AHI1: variants seen among roughly 807,000 people sequenced by gnomAD.
AHI1 encodes the protein jouberin.
AHI1 carries 123 observed loss-of-function variants against 149.3 expected under a neutral mutation model. The observed-to-expected ratio is 0.82, with a 90% CI of 0.71 to 0.96. The LOEUF (loss-of-function observed/expected upper bound fraction) is 0.96, where lower values mean the gene tolerates loss of function less well. Among genes scored for constraint, AHI1 ranks in the 40% least tolerant of loss-of-function variants. The probability of loss-of-function intolerance (pLI) is 0.00; values close to 1 mark genes in which losing one functional copy is unlikely to be tolerated. For synonymous variants in AHI1, 475 were observed against 459.8 expected (o/e 1.03, Z -0.42); for missense variants, 1,439 against 1,422.7 (o/e 1.01, Z -0.18).
At chr6:135,495,262 A>C (rs1047758884) in intron 3 of AHI1, 1 of 152,186 alleles carries the variant, frequency 6.6e-6, no homozygotes, top group Non-Finnish European at 1.5e-5. Context: ...CTTCGCTTAA[A>C]ATTCTTCACT....
At chr6:135,459,422 T>C (rs114780944) in intron 8 of AHI1, among the ~76,000 whole-genome samples, 1,828 of 152,174 alleles carry the variant, frequency 0.012, 43 homozygotes, top group African/African-American at 0.042. Flanking sequence ...ATCTTTCTTA[T>C]AAAACCCAAT....
At chr6:135,322,470 C>A (rs1787010060) in intron 25 of AHI1, among the ~76,000 whole-genome samples, 1 of 118,472 alleles carries the variant, frequency 8.4e-6, no homozygotes, top group South Asian at 2.8e-4. Flanking sequence ...GATTTTCTTC[C>A]CTAGCTCTTT....
At position 135,294,542 on chromosome 6, in the gene AHI1, A is replaced by C. The variant is rs571022996; in HGVS notation, c.3486-4017T>G. The stretch of plus-strand genomic sequence containing the variant: ...CAAACAAACAAACAACCCTCCCCCC[A>C]AAAAAAACCAAAAGAGAAATAGAAA... On this transcript the variant is annotated intron_variant, in intron 27 of 28. Coordinates refer to ENST00000265602, the MANE Select transcript of AHI1 (RefSeq NM_001134831.2). Among the ~76,000 whole-genome samples the C allele has an allele frequency of 1.9e-3, 281 of 151,394 alleles. 1 individual carries two copies. The highest frequency in any genetic ancestry group is 5.1e-3 in the African/African-American group (212 of 41,322).
intron 26 of AHI1, among the ~76,000 whole-genome samples, chr6:135,315,435 T>A (rs1402875630): frequency 6.6e-6 from 1 of 152,194 alleles, no homozygotes; most frequent in Non-Finnish European, 1.5e-5. Flanking sequence ...TTTCTAACTC[T>A]GCCAATCTTC....
intron 20 of AHI1, among the ~76,000 whole-genome samples, chr6:135,413,598 A>AT (rs1583109048): frequency 1.3e-5 from 2 of 152,274 alleles, no homozygotes; most frequent in African/African-American, 4.8e-5. Flanking sequence ...TCCTGGCTCC[A>AT]TATCTGTGTA....
At chr6:135,414,404 CA>C (rs1782044103) in intron 20 of AHI1, among the ~76,000 whole-genome samples, 1 of 152,138 alleles carries the variant, frequency 6.6e-6, no homozygotes, top group South Asian at 2.1e-4. Flanking sequence ...TTCTTAGACA[CA>C]ACACTAAAAT....
intron 22 of AHI1, among the ~76,000 whole-genome samples, chr6:135,402,226 C>T (rs547338057): frequency 5.9e-5 from 9 of 151,988 alleles, no homozygotes; most frequent in East Asian, 1.9e-4. Flanking sequence ...TGGTGGAATT[C>T]GAAAATGGTT....
intron 22 of AHI1, among the ~76,000 whole-genome samples, chr6:135,400,142 G>A (rs1779817091): frequency 6.6e-6 from 1 of 151,838 alleles, no homozygotes; most frequent in South Asian, 2.1e-4. Context: ...GTTTTGGAAT[G>A]CCACGAAAAA....
chr6:135,492,788 A>T, intron 3 of AHI1: 1 of 985,338 alleles, frequency 1.0e-6, no homozygotes, highest in Non-Finnish European at 1.2e-6. Context: ...AAATATTTGC[A>T]CCATCTTTCT....
At chr6:135,368,368 T>C (rs749261784) in intron 23 of AHI1, among the ~76,000 whole-genome samples, 6 of 152,108 alleles carry the variant, frequency 3.9e-5, no homozygotes, top group African/African-American at 4.8e-5. Context: ...TGTGGTAGAA[T>C]AGGGAGGGTA....
intron 7 of AHI1, among the ~76,000 whole-genome samples, chr6:135,465,080 T>A (rs1411217146): frequency 6.6e-6 from 1 of 152,204 alleles, no homozygotes; most frequent in Non-Finnish European, 1.5e-5. Flanking sequence ...AAGAGGGGAA[T>A]TATTTTTGGC....
intron 5 of AHI1, chr6:135,490,172 G>A (rs1219672965): frequency 1.4e-6 from 1 of 721,700 alleles, no homozygotes; most frequent in Non-Finnish European, 2.6e-6. Flanking sequence ...TTGAAAGTGT[G>A]CCTCAAACAT....
chr6:135,394,920 A>G (rs1437180403), intron 22 of AHI1, 24 bp from the exon 23 acceptor site: 1 of 1,578,962 alleles, frequency 6.3e-7, no homozygotes. Context: ...ACAAATCAGA[A>G]ACTACAGTGT....
rs1792714902 is a variant in AHI1, at chr6:135,354,854, T to C, written c.3165+3278A>G. ...AAATTAGTGAAAAGAAAGCCACACA[T>C]TTAACCATCAAATCTGACCTAGGAC... On this transcript the variant is annotated intron_variant, in intron 24 of 28. Transcript: ENST00000265602. 2.0e-5 allele frequency among the ~76,000 whole-genome samples: 3 copies of C among 152,148 alleles called. No individual in the cohort carries two copies. The South Asian group carries it at 6.2e-4, about 32-fold the overall frequency.
intron 15 of AHI1, among the ~76,000 whole-genome samples, chr6:135,433,487 C>T (rs1053511244): frequency 2.0e-5 from 3 of 151,996 alleles, no homozygotes; most frequent in African/African-American, 7.2e-5. Flanking sequence ...ATATTATATC[C>T]ACTAATTGTA....
Position 135,410,211 on chromosome 6 carries a change from A to T in AHI1, c.2961+1137T>A, listed in dbSNP as rs538983416. On this transcript the variant is annotated intron_variant, in intron 21 of 28. Transcript: ENST00000265602. ...CCAAGACCCTGTCTCTACAAAAAAA[A>T]TTTTTTTAATTAGCCAGGCCTGGTG... Among the ~76,000 whole-genome samples, 92 of 152,154 alleles carry T rather than the reference A, an allele frequency of 6.0e-4. 1 individual carries two copies. Among genetic ancestry groups the T allele is most frequent in the African/African-American group, 1.8e-3 (75 of 41,510 alleles).
intron 10 of AHI1, among the ~76,000 whole-genome samples, chr6:135,455,202 T>C (rs909011119): frequency 3.9e-5 from 6 of 152,142 alleles, no homozygotes; most frequent in African/African-American, 1.4e-4. Flanking sequence ...AATTATATAA[T>C]AACAACTAGT....
chr6:135,353,326 T>C (rs77233085), intron 24 of AHI1, among the ~76,000 whole-genome samples: 617 of 152,210 alleles, frequency 4.1e-3, no homozygotes, highest in Non-Finnish European at 7.3e-3. Context: ...TGCAATTACC[T>C]ACAGGAAGAG....
At chr6:135,487,753 A>G (rs1237663431) in intron 5 of AHI1, among the ~76,000 whole-genome samples, 2 of 152,136 alleles carry the variant, frequency 1.3e-5, no homozygotes, top group East Asian at 3.8e-4. Flanking sequence ...AATACTGACT[A>G]CTAGAACTTA....
Sources: allele counts gnomAD v4.1 joint callset (sites outside exome capture counted in the v4.1 genomes callset), GRCh38; gene constraint gnomAD v4.1.1; transcripts MANE v1.5; gene names NCBI Gene and HGNC (gene_info 2026-07-23, HGNC 2026-07-21).